Variants in GRID2 observed in about 807,000 individuals in gnomAD.
GRID2 encodes the protein glutamate receptor ionotropic, delta-2.
In GRID2, 33 loss-of-function variants were observed where a neutral mutation model predicts 114.8. That is an observed-to-expected ratio of 0.29 (90% CI 0.22 to 0.38). The LOEUF is 0.38. Ranked by LOEUF, GRID2 falls within the 10% of genes least tolerant of loss-of-function variation. GRID2 has a pLI of 1.00. For synonymous variants in GRID2, 505 were observed against 449.9 expected (o/e 1.12, Z -1.55); for missense variants, 1,184 against 1,257.7 (o/e 0.94, Z 0.89).
Position 93,433,901 on chromosome 4 carries a change from G to A in GRID2, c.1545+10933G>A, listed in dbSNP as rs183355341. On this transcript the variant is annotated intron_variant, in intron 10 of 15. Transcript: ENST00000282020. ...CAGTTGTTAAACTCTATGGTTTACT[G>A]CAAAAGCTGTGAGAATCTAGCGTAA... Among the ~76,000 whole-genome samples the A allele has an allele frequency of 3.9e-4, 60 of 152,210 alleles. No individual in the cohort carries two copies. The East Asian group carries it at 0.01, about 27-fold the overall frequency.
intron 2 of GRID2, among the ~76,000 whole-genome samples, chr4:92,922,123 C>T (rs574375319): frequency 1.4e-4 from 21 of 152,178 alleles, no homozygotes; most frequent in Non-Finnish European, 2.5e-4. Context: ...AGTGAGGCTC[C>T]GTGGGTGTAG....
chr4:93,501,031 T>C, intron 12 of GRID2, among the ~76,000 whole-genome samples: 1 of 152,014 alleles, frequency 6.6e-6, no homozygotes, highest in East Asian at 1.9e-4. Context: ...TTATCATCTT[T>C]GTACCAGTTC....
At chr4:92,604,813 C>T (rs1729376605) in intron 2 of GRID2, among the ~76,000 whole-genome samples, 1 of 152,050 alleles carries the variant, frequency 6.6e-6, no homozygotes, top group African/African-American at 2.4e-5. Flanking sequence ...CAGAATAAAT[C>T]ACCAGTTGAT....
In GRID2 at chr4:92,304,316, G is replaced by A. The variant is rs909327300; in HGVS notation, c.-341G>A. ...GGGACCGGAGACCCGCGGCCCCCGC[G>A]CAGCGATGGGTCTGATCTGAGCCCC... On this transcript the variant is annotated 5_prime_UTR_variant, in exon 1 of 16. Transcript: ENST00000282020. 7.7e-6 allele frequency: 2 copies of A among 260,380 alleles called. No homozygotes were observed. Among genetic ancestry groups the A allele is most frequent in the Non-Finnish European group, 7.3e-6 (1 of 137,248 alleles). The allele number at this position is 260,380 out of a possible 1,614,324, so 16.1% of individuals were successfully genotyped here.
chr4:93,322,890 G>T (rs1205940940), intron 8 of GRID2, among the ~76,000 whole-genome samples: 1 of 152,060 alleles, frequency 6.6e-6, no homozygotes, highest in Non-Finnish European at 1.5e-5. Context: ...TTTTAATGGG[G>T]TTGTTTGTTT....
chr4:93,140,472 T>A (rs1475634702), intron 4 of GRID2, among the ~76,000 whole-genome samples: 1 of 152,126 alleles, frequency 6.6e-6, no homozygotes, highest in African/African-American at 2.4e-5. Context: ...TCCGTGTCAT[T>A]TTTTTATGGA....
intron 5 of GRID2, among the ~76,000 whole-genome samples, chr4:93,216,534 A>G (rs1744237051): frequency 6.6e-6 from 1 of 152,176 alleles, no homozygotes; most frequent in African/African-American, 2.4e-5. Context: ...ACTAATGTAT[A>G]TAATTTAAAG....
intron 14 of GRID2, among the ~76,000 whole-genome samples, chr4:93,698,581 C>A (rs1006186810): frequency 1.3e-5 from 2 of 152,046 alleles, no homozygotes; most frequent in Admixed American, 6.6e-5. Flanking sequence ...AAATAGACTT[C>A]TTGATAAAGA....
At chr4:93,477,987 C>T (rs1031229030) in intron 11 of GRID2, among the ~76,000 whole-genome samples, 1 of 152,048 alleles carries the variant, frequency 6.6e-6, no homozygotes. Context: ...TATTTCAATG[C>T]AGCACTTACC....
intron 8 of GRID2, among the ~76,000 whole-genome samples, chr4:93,253,111 C>G (rs886228014): frequency 3.4e-5 from 4 of 116,712 alleles, no homozygotes; most frequent in African/African-American, 1.3e-4. Flanking sequence ...AAAAAATTAG[C>G]TGGGTGTGGT....
chr4:93,422,032 C>T lies in GRID2; in HGVS notation c.1348-739C>T, dbSNP rs573268837. Among the ~76,000 whole-genome samples, 6 of 152,190 alleles carry T rather than the reference C, an allele frequency of 3.9e-5. No individual in the cohort carries two copies. In the East Asian group the frequency reaches 1.2e-3, roughly 29 times the overall value. On this transcript the variant is annotated intron_variant, in intron 9 of 15. Coordinates refer to ENST00000282020, the MANE Select transcript of GRID2 (RefSeq NM_001510.4). Reference sequence around the variant, plus strand: ...TATCTAGTTTTCTGTAGTCTGCCAGCATGTTTCAAATCAATCGAGCTTTCT... The same window carrying T: ...TATCTAGTTTTCTGTAGTCTGCCAGTATGTTTCAAATCAATCGAGCTTTCT...
At chr4:92,975,515 G>T (rs1753817219) in intron 2 of GRID2, among the ~76,000 whole-genome samples, 2 of 152,032 alleles carry the variant, frequency 1.3e-5, no homozygotes, top group Admixed American at 1.3e-4. Context: ...GTCATTTATT[G>T]TATCATATGA....
At chr4:92,370,088 C>A (rs979101237) in intron 1 of GRID2, among the ~76,000 whole-genome samples, 1 of 151,986 alleles carries the variant, frequency 6.6e-6, no homozygotes, top group Non-Finnish European at 1.5e-5. Context: ...ACAACATGTG[C>A]TCACTTCATG....
At position 92,766,426 on chromosome 4, in the gene GRID2, A is replaced by G. The variant is rs560120243; in HGVS notation, c.244+176140A>G. Among the ~76,000 whole-genome samples, 40 of 151,212 alleles carry G rather than the reference A, an allele frequency of 2.6e-4. No homozygotes were observed. In the South Asian group the frequency reaches 8.2e-3, roughly 31 times the overall value. On this transcript the variant is annotated intron_variant, in intron 2 of 15. Coordinates refer to ENST00000282020, the MANE Select transcript of GRID2 (RefSeq NM_001510.4). ...GTGGTGGGCGCCTGTAGTCCCAGCTACTCGGGAGGCTGAGGCAGGAGAATG... is the reference window on the plus strand; with the variant it reads ...GTGGTGGGCGCCTGTAGTCCCAGCTGCTCGGGAGGCTGAGGCAGGAGAATG...
chr4:93,533,820 T>C (rs901498774), intron 13 of GRID2, among the ~76,000 whole-genome samples: 3 of 152,140 alleles, frequency 2.0e-5, no homozygotes, highest in Admixed American at 6.6e-5. Context: ...GATTTTACTC[T>C]ACTTTGCCAT....
chr4:93,118,097 T>A (rs539927016), intron 4 of GRID2, among the ~76,000 whole-genome samples: 1 of 152,228 alleles, frequency 6.6e-6, no homozygotes, highest in Non-Finnish European at 1.5e-5. Flanking sequence ...CAGGTAGAGG[T>A]CTTGATGCTT....
At chr4:93,720,513 T>C (rs564965336) in intron 14 of GRID2, among the ~76,000 whole-genome samples, 2 of 152,194 alleles carry the variant, frequency 1.3e-5, no homozygotes, top group Non-Finnish European at 2.9e-5. Context: ...AAGAAAATGG[T>C]CACAGACACC....
chr4:92,931,622 A>G (rs866881396), intron 2 of GRID2, among the ~76,000 whole-genome samples: 1 of 150,580 alleles, frequency 6.6e-6, no homozygotes, highest in South Asian at 2.1e-4. Flanking sequence ...AAGATAGAAG[A>G]TACACACACA....
intron 10 of GRID2, among the ~76,000 whole-genome samples, chr4:93,434,882 C>T (rs1241503032): frequency 6.6e-6 from 1 of 152,218 alleles, no homozygotes; most frequent in African/African-American, 2.4e-5. Context: ...ACCCCTTGTA[C>T]TTCCTTATAC....
Sources: allele counts gnomAD v4.1 joint callset (sites outside exome capture counted in the v4.1 genomes callset), GRCh38; gene constraint gnomAD v4.1.1; transcripts MANE v1.5; gene names NCBI Gene and HGNC (gene_info 2026-07-23, HGNC 2026-07-21).